The following CCDC33 variants were observed in gnomAD, a reference collection of about 807,000 sequenced individuals.
The protein encoded by CCDC33 is coiled-coil domain containing 33, also known as coiled-coil domain-containing protein 33.
CCDC33 carries 94 observed loss-of-function variants against 91.9 expected under a neutral mutation model. The observed-to-expected ratio is 1.02, with a 90% CI of 0.87 to 1.21. CCDC33 has a LOEUF of 1.21. CCDC33 is among the 50% of genes most tolerant of loss of function. CCDC33 has a pLI of 0.00. For synonymous variants in CCDC33, 396 were observed against 374.5 expected (o/e 1.06, Z -0.66); for missense variants, 940 against 935.5 (o/e 1.00, Z -0.06).
intron 2 of CCDC33, among the ~76,000 whole-genome samples, chr15:74,247,371 T>TAC (rs57645886): frequency 1.8e-4 from 27 of 148,710 alleles, no homozygotes; most frequent in African/African-American, 5.0e-4. Flanking sequence ...TATATATATA[T>TAC]ACACACACAC....
At chr15:74,312,326 CCAGCCGCAGTGTCAG>C (rs1484805493) in intron 11 of CCDC33, among the ~76,000 whole-genome samples, 1 of 152,224 alleles carries the variant, frequency 6.6e-6, no homozygotes, top group East Asian at 1.9e-4. Flanking sequence ...CCATGGCAGG[CCAGCCGCAGTGTCAG>C]CAGCCGCCCC....
At chr15:74,241,203 G>C (rs1276597546) in intron 1 of CCDC33, among the ~76,000 whole-genome samples, 1 of 152,160 alleles carries the variant, frequency 6.6e-6, no homozygotes, top group Non-Finnish European at 1.5e-5. Flanking sequence ...GGAAGAGGGT[G>C]GGGGTGGCCT....
At chr15:74,295,599 G>T (rs1187286577) in intron 10 of CCDC33, among the ~76,000 whole-genome samples, 155 bp from the exon 11 acceptor site, 5 of 152,158 alleles carry the variant, frequency 3.3e-5, no homozygotes, top group African/African-American at 1.2e-4. Flanking sequence ...GACCCGGTGA[G>T]CAAGGGGCAG....
intron 11 of CCDC33, among the ~76,000 whole-genome samples, chr15:74,328,599 A>T (rs1314557942): frequency 6.6e-6 from 1 of 152,214 alleles, no homozygotes; most frequent in Non-Finnish European, 1.5e-5. Flanking sequence ...CTGGAACTCA[A>T]CAGGGGCAAG....
At chr15:74,254,076 G>T (rs1055838145) in intron 2 of CCDC33, among the ~76,000 whole-genome samples, 1 of 151,880 alleles carries the variant, frequency 6.6e-6, no homozygotes, top group Non-Finnish European at 1.5e-5. Context: ...TCTGTTGCCT[G>T]GGCTGGAGTG....
chr15:74,205,707 C>T (rs2074244315), intron 1 of CCDC33, among the ~76,000 whole-genome samples: 1 of 152,222 alleles, frequency 6.6e-6, no homozygotes, highest in African/African-American at 2.4e-5. Context: ...GCCAGGCTGG[C>T]AGAAAGGGAC....
rs1188593761 is a variant in CCDC33 at position 74,244,589 on chromosome 15, C to T, written c.185+441C>T. Among the ~76,000 whole-genome samples the T allele has an allele frequency of 6.6e-6, 1 of 152,050 alleles. No individual in the cohort carries two copies. The highest frequency in any genetic ancestry group is 1.5e-5 in the Non-Finnish European group (1 of 67,994). On this transcript the variant is annotated intron_variant, in intron 2 of 18. Transcript: ENST00000398814. This position sits in a 1 kb window ranked among gnomAD's most constrained non-coding sequence, Gnocchi z 4.2. ...CATAACCACCCTCCCCTCCTCCCCT[C>T]CTTCTCCAGTCACTTCTATTATGGG...
intron 2 of CCDC33, among the ~76,000 whole-genome samples, chr15:74,219,422 T>C (rs1297091369): frequency 6.6e-6 from 1 of 152,092 alleles, no homozygotes; most frequent in Non-Finnish European, 1.5e-5. Context: ...ATTTGACAGG[T>C]GGAGAAACAG....
intron 11 of CCDC33, among the ~76,000 whole-genome samples, chr15:74,328,965 C>T (rs2060368967): frequency 6.6e-6 from 1 of 152,194 alleles, no homozygotes; most frequent in Non-Finnish European, 1.5e-5. Flanking sequence ...CATCCCAGCT[C>T]CCACCTGCTG....
chr15:74,323,429 G>A (rs981810248), intron 11 of CCDC33, among the ~76,000 whole-genome samples: 15 of 151,860 alleles, frequency 9.9e-5, no homozygotes, highest in African/African-American at 3.1e-4. Context: ...GCATCCTCAC[G>A]CCCCTCATGC....
chr15:74,224,317 T>C (rs1197862288), intron 2 of CCDC33, among the ~76,000 whole-genome samples: 2 of 152,164 alleles, frequency 1.3e-5, no homozygotes, highest in Non-Finnish European at 2.9e-5. Flanking sequence ...CTGGGTGCGT[T>C]GAAACACTCT....
upstream of CCDC33, among the ~76,000 whole-genome samples, chr15:74,233,994 A>T (rs1429915519): frequency 6.6e-6 from 1 of 152,086 alleles, no homozygotes; most frequent in Non-Finnish European, 1.5e-5. Flanking sequence ...CCTGAGTCTC[A>T]TTGCATGGGT....
chr15:74,230,393 G>A lies in CCDC33; in HGVS notation c.675+11532G>A, dbSNP rs1050082877. ...TCCTGATGGAAGGAAATGGCAGGCA[G>A]CTTCATTGCTCACTCCTTTATTCAG... On this transcript the variant is annotated intron_variant, in intron 2 of 2. Transcript: ENST00000635913. Among the ~76,000 whole-genome samples, 3 of 152,192 alleles carry A rather than the reference G, an allele frequency of 2.0e-5. No homozygotes were observed. In the East Asian group the frequency reaches 5.8e-4, roughly 29 times the overall value.
At chr15:74,309,623 A>G (rs2059954753) in intron 11 of CCDC33, among the ~76,000 whole-genome samples, 1 of 151,974 alleles carries the variant, frequency 6.6e-6, no homozygotes, top group Non-Finnish European at 1.5e-5. Context: ...TTTTTTTCCT[A>G]CAGTGGGGAG....
intron 2 of CCDC33, among the ~76,000 whole-genome samples, chr15:74,256,675 A>G (rs1201680156): frequency 1.3e-5 from 2 of 152,200 alleles, no homozygotes; most frequent in Non-Finnish European, 2.9e-5. Context: ...GATGGTGCAG[A>G]CAGCGGCCCT....
chr15:74,299,080 C>G (rs1156816671), intron 11 of CCDC33, among the ~76,000 whole-genome samples: 2 of 152,152 alleles, frequency 1.3e-5, no homozygotes, highest in African/African-American at 4.8e-5. Flanking sequence ...AAGAAGCAGC[C>G]TGAGCATGCT....
intron 11 of CCDC33, among the ~76,000 whole-genome samples, chr15:74,296,326 C>CA (rs1567010405): frequency 6.6e-6 from 1 of 151,912 alleles, no homozygotes. Context: ...AACTGGGGCT[C>CA]AAAAAAAGAG....
chr15:74,321,592 G>T (rs2060208333), intron 11 of CCDC33, among the ~76,000 whole-genome samples: 1 of 152,048 alleles, frequency 6.6e-6, no homozygotes, highest in Non-Finnish European at 1.5e-5. Flanking sequence ...GTAGAGAGGG[G>T]GTTTCACTGT....
intron 11 of CCDC33, among the ~76,000 whole-genome samples, chr15:74,318,930 G>C (rs1047676570): frequency 2.6e-5 from 4 of 152,172 alleles, no homozygotes; most frequent in Non-Finnish European, 5.9e-5. Flanking sequence ...CCCTTGAAGT[G>C]ATCATTGCCT....
Sources: allele counts gnomAD v4.1 joint callset (sites outside exome capture counted in the v4.1 genomes callset), GRCh38; gene constraint gnomAD v4.1.1; non-coding constraint Gnocchi (gnomAD v3.1); transcripts MANE v1.5; gene names NCBI Gene and HGNC (gene_info 2026-07-23, HGNC 2026-07-21).